CIPC: variants seen among roughly 807,000 people sequenced by gnomAD.
CIPC encodes the protein CLOCK-interacting pacemaker.
In CIPC, 12 loss-of-function variants were observed where a neutral mutation model predicts 26.7. The observed-to-expected ratio is 0.45, with a 90% CI of 0.29 to 0.73. The LOEUF is 0.73. CIPC is among the 30% of genes least tolerant of loss of function. The pLI is 0.12. For synonymous variants in CIPC, 170 were observed against 189.8 expected (o/e 0.90, Z 0.86); for missense variants, 417 against 486.5 (o/e 0.86, Z 1.34).
rs910946149 is a variant in CIPC, at chr14:77,117,256, G to C, written c.*2938G>C. 5 of 152,634 alleles carry C rather than the reference G, an allele frequency of 3.3e-5. No homozygotes were observed. Among genetic ancestry groups the C allele is most frequent in the African/African-American group, 1.2e-4 (5 of 41,440 alleles). The allele number at this position is 152,634 out of a possible 1,614,324, so 9.5% of individuals were successfully genotyped here. A position where few individuals can be genotyped will look rare whatever the true frequency, so the allele number is the denominator to read the frequency against. On this transcript the variant is annotated 3_prime_UTR_variant, in exon 4 of 4. Transcript: ENST00000361786. ...TGCAGAAATTGACTGTGAAATGTCA[G>C]AGAAAAATAAAAGTCACTTACTTGA...
At chr14:77,098,957 A>G (rs1283427196) in intron 1 of CIPC, among the ~76,000 whole-genome samples, 2 of 152,126 alleles carry the variant, frequency 1.3e-5, no homozygotes, top group East Asian at 3.9e-4. Context: ...TTAAGTGGTT[A>G]GTGGGTGGGT....
Position 77,109,827 on chromosome 14 carries a change from G to A in CIPC, c.152G>A (p.Cys51Tyr). 3 of 1,613,574 alleles carry A rather than the reference G, an allele frequency of 1.9e-6. No individual in the cohort carries two copies. The highest frequency in any genetic ancestry group is 2.5e-6 in the Non-Finnish European group (3 of 1,179,542). Reference protein sequence around the residue: ...DSGFSDGSSECLSSAEQMESE... With the variant: ...DSGFSDGSSEYLSSAEQMESE... Reference sequence around the variant, plus strand: ...TGCCCACCAGATGGGAGCTCGGAATGTCTGAGCTCTGCAGAGCAGATGGAG... The same window carrying A: ...TGCCCACCAGATGGGAGCTCGGAATATCTGAGCTCTGCAGAGCAGATGGAG... The change falls in exon 3 of 4, where the codon TGT becomes TAT. Residue 51 changes from cysteine (C) to tyrosine (Y), a missense_variant. Coordinates refer to ENST00000361786, the MANE Select transcript of CIPC (RefSeq NM_033426.3).
Position 77,098,304 on chromosome 14 carries a change from C to T in CIPC, c.-110C>T, listed in dbSNP as rs1886401807. On this transcript the variant is annotated 5_prime_UTR_variant, in exon 1 of 4. Transcript: ENST00000361786. ...GTTGTCATGGTGCCGCGGGGCCGTG[C>T]TCGCGCATGCGCCACCTGACCCACA... The T allele has an allele frequency of 6.5e-6, 1 of 152,676 alleles. No individual in the cohort carries two copies. Among genetic ancestry groups the T allele is most frequent in the Non-Finnish European group, 1.5e-5 (1 of 68,072 alleles). 9.5% of individuals were successfully genotyped at this position (152,676 alleles called of 1,614,324 possible).
intron 3 of CIPC, among the ~76,000 whole-genome samples, chr14:77,112,330 A>T (rs879053660): frequency 6.6e-6 from 1 of 152,230 alleles, no homozygotes; most frequent in Non-Finnish European, 1.5e-5. Flanking sequence ...CAATACTTTA[A>T]TTAAAAAATA....
chr14:77,109,624 G>A (rs567426654), intron 2 of CIPC, among the ~76,000 whole-genome samples, 188 bp from the exon 3 acceptor site: 1 of 152,318 alleles, frequency 6.6e-6, no homozygotes, highest in Non-Finnish European at 1.5e-5. Flanking sequence ...AATCTTTGGT[G>A]GAGGAGGGAT....
Position 77,109,921 on chromosome 14 carries a change from A to G in CIPC, c.246A>G (p.Ala82=). The change falls in exon 3 of 4, where the codon GCA becomes GCG. Residue 82 remains alanine, a synonymous_variant. Transcript: ENST00000361786. ...EDRPRQNSKT[A]KNAFPTLSPM... ...GGCCGAGGCAGAACTCCAAAACTGC[A>G]AAGAATGCCTTCCCTACCCTGTCTC... is the stretch of plus-strand genomic sequence containing the variant. The G allele has an allele frequency of 6.2e-7, 1 of 1,614,214 alleles. No individual in the cohort carries two copies. The highest frequency in any genetic ancestry group is 8.5e-7 in the Non-Finnish European group (1 of 1,180,032).
intron 2 of CIPC, among the ~76,000 whole-genome samples, chr14:77,108,944 T>C (rs1274544770): frequency 6.6e-6 from 1 of 152,186 alleles, no homozygotes; most frequent in African/African-American, 2.4e-5. Context: ...CTGTTAGTGT[T>C]TGAGCACTTC....
chr14:77,115,633 A>G lies in CIPC; in HGVS notation c.*1315A>G, dbSNP rs1025166564. The G allele has an allele frequency of 1.3e-5, 2 of 152,122 alleles. No homozygotes were observed. The highest frequency in any genetic ancestry group is 3.9e-4 in the East Asian group (2 of 5,188). 9.4% of individuals were successfully genotyped at this position (152,122 alleles called of 1,614,324 possible). A position where few individuals can be genotyped will look rare whatever the true frequency, so the allele number is the denominator to read the frequency against. On this transcript the variant is annotated 3_prime_UTR_variant, in exon 4 of 4. Transcript: ENST00000361786. ...AATTTAAAATTTCATCCTCTTGAAA[A>G]TCTTTGTTCTTTACAAAATTATCTT...
chr14:77,110,114 A>AGCGGATGTTAT, intron 3 of CIPC, 133 bp downstream of exon 3: 1 of 806,636 alleles, frequency 1.2e-6, no homozygotes, highest in Non-Finnish European at 1.9e-6. Flanking sequence ...ACCAATGTGT[A>AGCGGATGTTAT]CTTTCTGTCC....
At chr14:77,102,991 T>A (rs1019216179) in intron 1 of CIPC, among the ~76,000 whole-genome samples, 7 of 152,266 alleles carry the variant, frequency 4.6e-5, no homozygotes, top group African/African-American at 1.7e-4. Context: ...AGCTGTCAGA[T>A]AGACATTGCT....
rs1203480010 is a variant in CIPC at position 77,105,544 on chromosome 14, AAAT to A, written c.-52-110_-52-108del. ...CTTTTGTCAGTTGAAACCTCTGAGAAAATAAAGCTGAAGTGGGTGAGGCCAGTG... is the reference window on the plus strand; with the variant it reads ...CTTTTGTCAGTTGAAACCTCTGAGAAAAAGCTGAAGTGGGTGAGGCCAGTG... On this transcript the variant is annotated intron_variant, in intron 1 of 3. Transcript: ENST00000361786. The A allele has an allele frequency of 1.6e-5, 10 of 638,778 alleles. No homozygotes were observed. In the South Asian group the frequency reaches 2.7e-4, roughly 17 times the overall value. 39.6% of individuals were successfully genotyped at this position (638,778 alleles called of 1,614,324 possible). A position where few individuals can be genotyped will look rare whatever the true frequency, so the allele number is the denominator to read the frequency against.
At chr14:77,112,682 G>GT (rs1374097189) in intron 3 of CIPC, among the ~76,000 whole-genome samples, 1 of 151,626 alleles carries the variant, frequency 6.6e-6, no homozygotes, top group Non-Finnish European at 1.5e-5. Flanking sequence ...GACAATATGG[G>GT]TTTTTTTCTT....
chr14:77,103,958 C>T (rs1289728563), intron 1 of CIPC, among the ~76,000 whole-genome samples: 1 of 151,450 alleles, frequency 6.6e-6, no homozygotes, highest in African/African-American at 2.4e-5. Flanking sequence ...TGTTTTTCTT[C>T]TTCCCATCTC....
intron 1 of CIPC, among the ~76,000 whole-genome samples, chr14:77,099,360 A>C (rs1221733309): frequency 2.6e-5 from 4 of 152,250 alleles, no homozygotes; most frequent in Non-Finnish European, 2.9e-5. Context: ...ACGAATTTTC[A>C]GCCAAGTTGG....
In CIPC at chr14:77,109,803, G is replaced by T; in HGVS notation, c.137-9G>T. 6.2e-7 allele frequency: 1 copy of T among 1,607,560 alleles called. No individual in the cohort carries two copies. Among genetic ancestry groups the T allele is most frequent in the South Asian group, 1.1e-5 (1 of 90,742 alleles). The stretch of plus-strand genomic sequence containing the variant: ...GCCTGAGTGAGTTGACCATTCTTCT[G>T]CCCACCAGATGGGAGCTCGGAATGT... On this transcript the variant is annotated splice_polypyrimidine_tract_variant and intron_variant, in intron 2 of 3. Transcript: ENST00000361786.
At chr14:77,110,017 A>G (rs1886663295) in intron 3 of CIPC, 36 bp downstream of exon 3, 1 of 1,595,656 alleles carries the variant, frequency 6.3e-7, no homozygotes, top group African/African-American at 1.3e-5. Context: ...GTCTTTGCAA[A>G]TAAAAATCTC....
chr14:77,112,798 C>T (rs1886730534), intron 3 of CIPC, among the ~76,000 whole-genome samples: 1 of 152,054 alleles, frequency 6.6e-6, no homozygotes, highest in Non-Finnish European at 1.5e-5. Flanking sequence ...GCAACCTCCA[C>T]CTCCCAGGTT....
chr14:77,108,254 G>A (rs557148037), intron 2 of CIPC, among the ~76,000 whole-genome samples: 9 of 152,268 alleles, frequency 5.9e-5, no homozygotes, highest in African/African-American at 2.2e-4. Flanking sequence ...TACCATTAAA[G>A]TACCCTTTTC....
chr14:77,105,822 A>T lies in CIPC; in HGVS notation c.114A>T (p.Ser38=), dbSNP rs370987526. Residue 38 remains serine (S), a synonymous_variant, in exon 2 of 4, where the codon TCA becomes TCT. Coordinates refer to ENST00000361786, the MANE Select transcript of CIPC (RefSeq NM_033426.3). The part of the protein sequence containing the change: ...ARQLGMAAAE[S]DKDSGFSDGS... ...AGCTTGGGATGGCTGCTGCTGAGTC[A>T]GACAAGGACTCTGGCTTTTCAGGTT... The T allele has an allele frequency of 1.4e-4, 227 of 1,614,058 alleles. No homozygotes were observed. The highest frequency in any genetic ancestry group is 1.8e-4 in the Non-Finnish European group (208 of 1,180,020).
Sources: allele counts gnomAD v4.1 joint callset (sites outside exome capture counted in the v4.1 genomes callset), GRCh38; gene constraint gnomAD v4.1.1; transcripts MANE v1.5; gene names NCBI Gene and HGNC (gene_info 2026-07-23, HGNC 2026-07-21).